The following COL13A1 variants were observed in gnomAD, a reference collection of about 807,000 sequenced individuals.
The protein encoded by COL13A1 is collagen alpha-1(XIII) chain.
In COL13A1, 89 loss-of-function variants were observed where a neutral mutation model predicts 130.9. The observed-to-expected ratio is 0.68, with a 90% CI of 0.57 to 0.81. The LOEUF is 0.81. Among genes scored for constraint, COL13A1 ranks in the 30% least tolerant of loss-of-function variants. The pLI is 0.00. For missense variants in COL13A1, 879 were observed against 934.6 expected, an observed-to-expected ratio of 0.94 and a Z score of 0.78; for synonymous variants, 402 against 341.6, an observed-to-expected ratio of 1.18 and a Z score of -1.95.
intron 4 of COL13A1, among the ~76,000 whole-genome samples, chr10:69,873,451 A>T (rs570445889): frequency 1.3e-5 from 2 of 152,250 alleles, no homozygotes; most frequent in East Asian, 3.9e-4. Flanking sequence ...ATGTGGGCAG[A>T]CTTTGTTTCT....
chr10:69,933,906 G>A (rs1168064477), intron 31 of COL13A1, among the ~76,000 whole-genome samples: 1 of 152,158 alleles, frequency 6.6e-6, no homozygotes, highest in African/African-American at 2.4e-5. Context: ...ACTCCACCCA[G>A]TGAATAGCAC....
intron 2 of COL13A1, among the ~76,000 whole-genome samples, chr10:69,867,527 G>C (rs916911667): frequency 6.6e-6 from 1 of 152,236 alleles, no homozygotes; most frequent in Non-Finnish European, 1.5e-5. Flanking sequence ...TGTGGGGTGG[G>C]AAACTGAGGC....
intron 38 of COL13A1, among the ~76,000 whole-genome samples, chr10:69,952,162 A>C (rs980162687): frequency 2.0e-5 from 3 of 152,260 alleles, no homozygotes; most frequent in Non-Finnish European, 4.4e-5. Flanking sequence ...AGACACAGAT[A>C]GAACAGGAGA....
At chr10:69,898,867 T>G in intron 14 of COL13A1, 105 bp downstream of exon 14, 1 of 869,922 alleles carries the variant, frequency 1.1e-6, no homozygotes. Flanking sequence ...TTCAGTGAAA[T>G]TAAATCAGAC....
At chr10:69,825,483 C>T (rs1395217298) in intron 2 of COL13A1, among the ~76,000 whole-genome samples, 1 of 152,238 alleles carries the variant, frequency 6.6e-6, no homozygotes, top group Admixed American at 6.5e-5. Flanking sequence ...GTAGTCATTG[C>T]TGATGACTGG....
rs777001080 is a variant in COL13A1, at chr10:69,902,795, C to G, written c.798C>G (p.Gly266=). ...ASIQGPPGPP[G]PPGPSGPLGH... is the part of the protein sequence containing the mutation. ...TCCAAGGTCCACCAGGGCCCCCAGGCCCCCCTGGACCAAGTGGACCTCTGG... is the reference window on the plus strand; with the variant it reads ...TCCAAGGTCCACCAGGGCCCCCAGGGCCCCCTGGACCAAGTGGACCTCTGG... The change falls in exon 15 of 41, where the codon GGC becomes GGG. Residue 266 remains glycine, a synonymous_variant. Transcript: ENST00000645393. The G allele has an allele frequency of 1.5e-5, 24 of 1,551,346 alleles. No individual in the cohort carries two copies. The highest frequency in any genetic ancestry group is 5.5e-5 in the African/African-American group (4 of 73,044).
At position 69,846,841 on chromosome 10, in the gene COL13A1, G is replaced by A. The variant is rs549394889; in HGVS notation, c.365-20957G>A. Among the ~76,000 whole-genome samples the A allele has an allele frequency of 1.1e-4, 17 of 152,348 alleles. No individual in the cohort carries two copies. The East Asian group carries it at 3.1e-3, about 28-fold the overall frequency. On this transcript the variant is annotated intron_variant, in intron 2 of 40. Coordinates refer to ENST00000645393, the MANE Select transcript of COL13A1 (RefSeq NM_001368882.1). ...CGTGGCTGCTGGTGAGCCGGGGTGT[G>A]CAGACACGTGGGGCAGGAGCAGTGA...
intron 13 of COL13A1, 87 bp downstream of exon 13, chr10:69,895,663 C>T: frequency 7.1e-7 from 1 of 1,405,770 alleles, no homozygotes; most frequent in African/African-American, 1.4e-5. Context: ...CTGGGGTCTC[C>T]AGTTACTAAC....
At chr10:69,911,773 T>G (rs1386112913) in intron 17 of COL13A1, among the ~76,000 whole-genome samples, 1 of 152,252 alleles carries the variant, frequency 6.6e-6, no homozygotes, top group Non-Finnish European at 1.5e-5. Context: ...ATTAAGGAAG[T>G]GGAGTGCTTT....
rs1358026239 is a variant in COL13A1 at position 69,925,934 on chromosome 10, T to G, written c.1398+62T>G. 10 of 1,392,512 alleles carry G rather than the reference T, an allele frequency of 7.2e-6. No homozygotes were observed. The East Asian group carries it at 2.0e-4, about 28-fold the overall frequency. The allele number at this position is 1,392,512 out of a possible 1,614,324, so 86.3% of individuals were successfully genotyped here. ...GGATCTCAGGCTCTGCACCATGCCCTGATCAGGGGGCCCTTCCACACAGCC... is the reference window on the plus strand; with the variant it reads ...GGATCTCAGGCTCTGCACCATGCCCGGATCAGGGGGCCCTTCCACACAGCC... On this transcript the variant is annotated intron_variant, in intron 26 of 40. Coordinates refer to ENST00000645393, the MANE Select transcript of COL13A1 (RefSeq NM_001368882.1).
At chr10:69,816,650 C>T (rs921073801) in intron 1 of COL13A1, among the ~76,000 whole-genome samples, 7 of 152,102 alleles carry the variant, frequency 4.6e-5, no homozygotes, top group African/African-American at 1.7e-4. Context: ...TGAGAGGGCA[C>T]AGCCAGGGTG....
At chr10:69,871,695 CTG>C (rs2059087689) in intron 3 of COL13A1, among the ~76,000 whole-genome samples, 4 of 152,196 alleles carry the variant, frequency 2.6e-5, no homozygotes, top group Admixed American at 2.6e-4. Context: ...AGGAGAGAAA[CTG>C]TATGTGACAG....
In COL13A1 at chr10:69,916,367, C is replaced by T. The variant is rs150584466; in HGVS notation, c.922-922C>T. 4.5e-3 allele frequency among the ~76,000 whole-genome samples: 687 copies of T among 152,318 alleles called. 12 individuals carry two copies. Among genetic ancestry groups the T allele is most frequent in the African/African-American group, 0.016 (653 of 41,578 alleles). ...CTGGCTGCAGTCACCTGTTGCTGGACACCATCCCGGGCCCCAGCTGGGGCT... is the reference window on the plus strand; with the variant it reads ...CTGGCTGCAGTCACCTGTTGCTGGATACCATCCCGGGCCCCAGCTGGGGCT... On this transcript the variant is annotated intron_variant, in intron 17 of 40. Transcript: ENST00000645393.
At chr10:69,889,092 A>G (rs1047387594) in intron 9 of COL13A1, among the ~76,000 whole-genome samples, 1 of 152,126 alleles carries the variant, frequency 6.6e-6, no homozygotes, top group Non-Finnish European at 1.5e-5. Context: ...CACTCATGTC[A>G]CGGGACCAGG....
chr10:69,850,488 A>G (rs899029384), intron 2 of COL13A1, among the ~76,000 whole-genome samples: 5 of 149,512 alleles, frequency 3.3e-5, no homozygotes, highest in Non-Finnish European at 7.4e-5. Flanking sequence ...TTCTTACCCC[A>G]TGGCACATGT....
At chr10:69,837,301 G>T (rs904364354) in intron 2 of COL13A1, among the ~76,000 whole-genome samples, 3 of 152,320 alleles carry the variant, frequency 2.0e-5, no homozygotes, top group Middle Eastern at 3.4e-3. Flanking sequence ...TACGGTTCTA[G>T]TTCCAAATGC....
At chr10:69,844,326 G>T (rs1164258655) in intron 2 of COL13A1, among the ~76,000 whole-genome samples, 1 of 152,178 alleles carries the variant, frequency 6.6e-6, no homozygotes, top group African/African-American at 2.4e-5. Context: ...TCAGCAAGTG[G>T]AATGAAGCTC....
chr10:69,843,954 G>A lies in COL13A1; in HGVS notation c.364+21516G>A, dbSNP rs73267747. ...TTATCATATGCTGTGGGCAGGTGCCGTGGTAGGTTTGTGATATGTCACAAA... is the reference window on the plus strand; with the variant it reads ...TTATCATATGCTGTGGGCAGGTGCCATGGTAGGTTTGTGATATGTCACAAA... On this transcript the variant is annotated intron_variant, in intron 2 of 40. Transcript: ENST00000645393. Among the ~76,000 whole-genome samples, 1,338 of 152,336 alleles carry A rather than the reference G, an allele frequency of 8.8e-3. 25 individuals carry two copies. The highest frequency in any genetic ancestry group is 0.03 in the African/African-American group (1,256 of 41,574).
At chr10:69,920,896 G>T (rs2064574628) in intron 21 of COL13A1, among the ~76,000 whole-genome samples, 1 of 152,162 alleles carries the variant, frequency 6.6e-6, no homozygotes, top group African/African-American at 2.4e-5. Context: ...ACCTCTTGGG[G>T]CTTCCCTCAC....
Sources: gnomAD v4.1 joint callset for allele counts (sites outside exome capture counted in the v4.1 genomes callset) on GRCh38, gnomAD v4.1.1 for gene constraint, MANE v1.5 for transcripts, NCBI Gene and HGNC (gene_info 2026-07-23, HGNC 2026-07-21) for gene names.